TTL: variants seen among roughly 807,000 people sequenced by gnomAD.
The protein encoded by TTL is tubulin tyrosine ligase, also known as tubulin--tyrosine ligase.
TTL carries 10 observed loss-of-function variants against 41.1 expected under a neutral mutation model. The ratio of observed to expected loss-of-function variants is 0.24; its 90% CI spans 0.15 to 0.41. The LOEUF (loss-of-function observed/expected upper bound fraction) is 0.41. TTL is among the 10% of genes least tolerant of loss of function. TTL has a pLI of 1.00. For missense variants in TTL, 367 were observed against 460.4 expected (o/e 0.80, Z 1.86); for synonymous variants, 175 against 175.5 (o/e 1.00, Z 0.02).
chr2:112,499,581 C>T (rs192524554), intron 3 of TTL, among the ~76,000 whole-genome samples: 17 of 152,296 alleles, frequency 1.1e-4, no homozygotes, highest in Non-Finnish European at 2.2e-4. Flanking sequence ...AGTTCTTGAG[C>T]TTGACTCCAA....
At position 112,535,479 on chromosome 2, in the gene TTL, A is replaced by T. The variant is rs894144614; in HGVS notation, c.*6684A>T. On this transcript the variant is annotated 3_prime_UTR_variant, in exon 7 of 7. Coordinates refer to ENST00000233336, the MANE Select transcript of TTL (RefSeq NM_153712.5). ...AAGCTCAACAAATTCTAAGCAGGAA[A>T]GACTCAAAGAGTCCACCTCAAGACA... The T allele has an allele frequency of 1.3e-5, 2 of 152,230 alleles. No individual in the cohort carries two copies. The highest frequency in any genetic ancestry group is 2.9e-5 in the Non-Finnish European group (2 of 68,046). The allele number at this position is 152,230 out of a possible 1,614,324, so 9.4% of individuals were successfully genotyped here. A position where few individuals can be genotyped will look rare whatever the true frequency, so the allele number is the denominator to read the frequency against.
At chr2:112,522,557 C>T (rs1682268510) in intron 6 of TTL, 1 of 152,406 alleles carries the variant, frequency 6.6e-6, no homozygotes, top group Non-Finnish European at 1.5e-5. Context: ...GGGTGTTTGT[C>T]TCCTCTCTGT....
chr2:112,518,256 G>A (rs370354870), intron 5 of TTL, among the ~76,000 whole-genome samples: 35 of 151,658 alleles, frequency 2.3e-4, no homozygotes, highest in African/African-American at 8.2e-4. Context: ...TGGGATTACA[G>A]GTGTGAGCCA....
intron 2 of TTL, among the ~76,000 whole-genome samples, chr2:112,491,866 C>CT (rs967896485): frequency 3.3e-5 from 5 of 151,606 alleles, no homozygotes; most frequent in Non-Finnish European, 5.9e-5. Context: ...CCTTTCAGTT[C>CT]TTTTTTTTTA....
At position 112,531,180 on chromosome 2, in the gene TTL, T is replaced by C. The variant is rs1682500682; in HGVS notation, c.*2385T>C. ...ATTTCTGTTCATGCGGAATGATTGG[T>C]TCAGAACTGTTCCTTTCCCTTCCAT... On this transcript the variant is annotated 3_prime_UTR_variant, in exon 7 of 7. Transcript: ENST00000233336. 4.6e-6 allele frequency: 1 copy of C among 218,270 alleles called. No individual in the cohort carries two copies. Among genetic ancestry groups the C allele is most frequent in the African/African-American group, 2.2e-5 (1 of 44,464 alleles). The allele number at this position is 218,270 out of a possible 1,614,324, so 13.5% of individuals were successfully genotyped here. A position where few individuals can be genotyped will look rare whatever the true frequency, so the allele number is the denominator to read the frequency against.
In TTL at chr2:112,528,675, T is replaced by A; in HGVS notation, c.1020-6T>A. 6.2e-7 allele frequency: 1 copy of A among 1,608,340 alleles called. No homozygotes were observed. Among genetic ancestry groups the A allele is most frequent in the Non-Finnish European group, 8.5e-7 (1 of 1,175,770 alleles). On this transcript the variant is annotated splice_region_variant and splice_polypyrimidine_tract_variant and intron_variant, in intron 6 of 6. Transcript: ENST00000233336. Reference sequence around the variant, plus strand: ...CCTCAATGATATTTTTAAAAACACATTTCAGGAAGCTCTATGCAGAACTGT... The same window carrying A: ...CCTCAATGATATTTTTAAAAACACAATTCAGGAAGCTCTATGCAGAACTGT...
chr2:112,485,855 G>A, intron 1 of TTL, 62 bp from the exon 2 acceptor site: 1 of 1,446,458 alleles, frequency 6.9e-7, no homozygotes, highest in South Asian at 1.2e-5. Flanking sequence ...GCATGACACA[G>A]CTGTCCTCTC....
chr2:112,531,328 A>C lies in TTL; in HGVS notation c.*2533A>C, dbSNP rs1682504467. On this transcript the variant is annotated 3_prime_UTR_variant, in exon 7 of 7. Coordinates refer to ENST00000233336, the MANE Select transcript of TTL (RefSeq NM_153712.5). ...TTATTTGGAAATGTCAGTTGCAATCATGGTTCTGTCATTTGACTGCACAGT... is the reference window on the plus strand; with the variant it reads ...TTATTTGGAAATGTCAGTTGCAATCCTGGTTCTGTCATTTGACTGCACAGT... 4.4e-6 allele frequency: 1 copy of C among 227,198 alleles called. No homozygotes were observed. Among genetic ancestry groups the C allele is most frequent in the Non-Finnish European group, 8.8e-6 (1 of 114,008 alleles). 14.1% of individuals were successfully genotyped at this position (227,198 alleles called of 1,614,324 possible). A position where few individuals can be genotyped will look rare whatever the true frequency, so the allele number is the denominator to read the frequency against.
At chr2:112,516,642 C>G (rs1645257095) in intron 5 of TTL, among the ~76,000 whole-genome samples, 1 of 152,146 alleles carries the variant, frequency 6.6e-6, no homozygotes, top group South Asian at 2.1e-4. Context: ...TCACTGCACT[C>G]CAGCCTGAGC....
intron 5 of TTL, among the ~76,000 whole-genome samples, chr2:112,503,413 ATATATATT>A (rs1198349194): frequency 6.8e-6 from 1 of 146,624 alleles, no homozygotes; most frequent in East Asian, 2.0e-4. Flanking sequence ...GTATATATAT[ATATATATT>A]TATATATTTA....
intron 2 of TTL, among the ~76,000 whole-genome samples, chr2:112,489,237 C>A (rs1681319040): frequency 6.6e-6 from 1 of 152,106 alleles, no homozygotes; most frequent in Non-Finnish European, 1.5e-5. Flanking sequence ...GTGAATTTTA[C>A]ATATGTAGCA....
intron 3 of TTL, among the ~76,000 whole-genome samples, chr2:112,499,015 A>G (rs1017769201): frequency 2.6e-5 from 4 of 151,558 alleles, no homozygotes; most frequent in African/African-American, 9.7e-5. Flanking sequence ...ATTCATGAAA[A>G]AATAGAAACA....
At chr2:112,495,044 C>T (rs1681491127) in intron 3 of TTL, among the ~76,000 whole-genome samples, 1 of 152,214 alleles carries the variant, frequency 6.6e-6, no homozygotes, top group African/African-American at 2.4e-5. Context: ...GTAGCCTGCA[C>T]CATTTGACAT....
rs2104482843 is a variant in TTL, at chr2:112,531,494, T to A, written c.*2699T>A. The A allele has an allele frequency of 4.3e-6, 1 of 230,150 alleles. No individual in the cohort carries two copies. The highest frequency in any genetic ancestry group is 2.2e-5 in the African/African-American group (1 of 45,264). 14.3% of individuals were successfully genotyped at this position (230,150 alleles called of 1,614,324 possible). A position where few individuals can be genotyped will look rare whatever the true frequency, so the allele number is the denominator to read the frequency against. On this transcript the variant is annotated 3_prime_UTR_variant, in exon 7 of 7. Transcript: ENST00000233336. ...GATGCAAGAGCCTTTAGTACCAAGGTTCTCAACACTGACTACATGCTGGAA... is the reference window on the plus strand; with the variant it reads ...GATGCAAGAGCCTTTAGTACCAAGGATCTCAACACTGACTACATGCTGGAA...
chr2:112,511,646 C>G (rs1016702006), intron 5 of TTL, among the ~76,000 whole-genome samples: 1 of 151,818 alleles, frequency 6.6e-6, no homozygotes, highest in Non-Finnish European at 1.5e-5. Context: ...CAAACTGCAA[C>G]CTCTGCCTCC....
chr2:112,499,720 A>G (rs567720496), intron 3 of TTL, among the ~76,000 whole-genome samples: 2 of 152,348 alleles, frequency 1.3e-5, no homozygotes, highest in East Asian at 1.9e-4. Context: ...TAAGTCATAC[A>G]TATGACAAGG....
intron 5 of TTL, among the ~76,000 whole-genome samples, chr2:112,512,151 G>T (rs1312004039): frequency 3.3e-5 from 5 of 152,010 alleles, no homozygotes; most frequent in Non-Finnish European, 7.4e-5. Context: ...GAGTGCAGTG[G>T]CGCGATCATG....
chr2:112,526,453 C>G (rs1682374914), intron 6 of TTL, among the ~76,000 whole-genome samples: 1 of 152,272 alleles, frequency 6.6e-6, no homozygotes, highest in East Asian at 1.9e-4. Context: ...TAATTATTGC[C>G]TCAATTTCAG....
At chr2:112,503,805 C>CTTTTTTTTTTTTTTTTTTTTTTTTTTTT (rs70963002) in intron 5 of TTL, among the ~76,000 whole-genome samples, 1 of 102,544 alleles carries the variant, frequency 9.8e-6, no homozygotes, top group Non-Finnish European at 1.9e-5. Context: ...CCGTAAACTT[C>CTTTTTTTTTTTTTTTTTTTTTTTTTTTT]TTTTTTTTTT....
Sources: gnomAD v4.1 joint callset for allele counts (sites outside exome capture counted in the v4.1 genomes callset) on GRCh38, gnomAD v4.1.1 for gene constraint, MANE v1.5 for transcripts, NCBI Gene and HGNC (gene_info 2026-07-23, HGNC 2026-07-21) for gene names.